Variants in MBD5 observed in about 807,000 individuals in gnomAD.
MBD5 encodes the protein methyl-CpG binding domain protein 5, also known as methyl-CpG-binding domain protein 5.
In MBD5, 13 loss-of-function variants were observed where a neutral mutation model predicts 117.3. The ratio of observed to expected loss-of-function variants is 0.11; its 90% confidence interval spans 0.07 to 0.18. The LOEUF (loss-of-function observed/expected upper bound fraction) is 0.18, where lower values mean the gene tolerates loss of function less well. Among genes scored for constraint, MBD5 ranks in the 10% least tolerant of loss-of-function variants. The pLI is 1.00. For synonymous variants in MBD5, 727 were observed against 766.4 expected, an observed-to-expected ratio of 0.95 and a Z score of 0.85; for missense variants, 1,879 against 2,093.8, an observed-to-expected ratio of 0.90 and a Z score of 2.00.
At chr2:148,112,191 A>T (rs1696517591) in intron 1 of MBD5, among the ~76,000 whole-genome samples, 1 of 152,162 alleles carries the variant, frequency 6.6e-6, no homozygotes, top group Non-Finnish European at 1.5e-5. Flanking sequence ...TTAGGTTTGA[A>T]ATTTTTCAAA....
chr2:148,293,790 C>A (rs1370967364), intron 3 of MBD5, among the ~76,000 whole-genome samples: 3 of 152,046 alleles, frequency 2.0e-5, no homozygotes, highest in Non-Finnish European at 4.4e-5. Flanking sequence ...TGAGGAAGTG[C>A]CCTTCTACTT....
chr2:148,235,214 C>CT (rs1387101868), intron 3 of MBD5, among the ~76,000 whole-genome samples: 14 of 151,848 alleles, frequency 9.2e-5, no homozygotes, highest in African/African-American at 3.4e-4. Context: ...TTTGTATTGT[C>CT]TTTTTTCTGA....
chr2:148,147,924 A>G (rs1266582142), intron 1 of MBD5, among the ~76,000 whole-genome samples: 1 of 152,110 alleles, frequency 6.6e-6, no homozygotes, highest in African/African-American at 2.4e-5. Context: ...GTCTTTTGTG[A>G]TCATGCACAA....
At chr2:148,049,251 C>G (rs535574685) in intron 1 of MBD5, among the ~76,000 whole-genome samples, 10 of 152,248 alleles carry the variant, frequency 6.6e-5, no homozygotes, top group African/African-American at 2.4e-4. Flanking sequence ...AGCTAGAAAT[C>G]TTGTGGCAAG....
chr2:148,048,127 G>C (rs914070278), intron 1 of MBD5, among the ~76,000 whole-genome samples: 1 of 152,096 alleles, frequency 6.6e-6, no homozygotes, highest in Non-Finnish European at 1.5e-5. Flanking sequence ...GAAACATTCT[G>C]TCTCTGTAAA....
In MBD5 at chr2:148,251,645, T is replaced by C. The variant is rs550348383; in HGVS notation, c.-680+18250T>C. ...TTGGTCATAATTCTTGAAGAGTTGT[T>C]ATTTTTCAGAGTCATTCCTTCATAT... On this transcript the variant is annotated intron_variant, in intron 3 of 13. Coordinates refer to ENST00000642680, the MANE Select transcript of MBD5 (RefSeq NM_001378120.1). 5.9e-5 allele frequency among the ~76,000 whole-genome samples: 9 copies of C among 152,342 alleles called. No homozygotes were observed. The East Asian group carries it at 1.7e-3, about 29-fold the overall frequency.
intron 3 of MBD5, among the ~76,000 whole-genome samples, chr2:148,278,465 G>A (rs1039308816): frequency 2.0e-5 from 3 of 152,118 alleles, no homozygotes; most frequent in African/African-American, 7.2e-5. Flanking sequence ...GTATGTGTAT[G>A]TGAAAGTCTC....
intron 4 of MBD5, among the ~76,000 whole-genome samples, chr2:148,378,310 G>A (rs1704045856): frequency 6.6e-6 from 1 of 152,096 alleles, no homozygotes; most frequent in Admixed American, 6.5e-5. Context: ...GTTGGCCTGA[G>A]TCATATTGCT....
intron 3 of MBD5, among the ~76,000 whole-genome samples, chr2:148,305,925 A>T (rs566922059): frequency 1.5e-3 from 228 of 152,278 alleles, no homozygotes; most frequent in African/African-American, 5.1e-3. Flanking sequence ...GTGAAACAAA[A>T]TTTTTTACAA....
chr2:148,367,373 C>G (rs552646060), intron 4 of MBD5, among the ~76,000 whole-genome samples: 1 of 152,106 alleles, frequency 6.6e-6, no homozygotes, highest in South Asian at 2.1e-4. Context: ...CCATAAAAAC[C>G]CTAGAAGAAA....
chr2:148,281,984 A>G (rs557383767), intron 3 of MBD5, among the ~76,000 whole-genome samples: 14 of 152,280 alleles, frequency 9.2e-5, no homozygotes, highest in Admixed American at 6.5e-4. Flanking sequence ...TAACTATTCT[A>G]TAATGTCAGC....
chr2:148,118,878 G>A (rs1470279720), intron 1 of MBD5, among the ~76,000 whole-genome samples: 1 of 151,984 alleles, frequency 6.6e-6, no homozygotes, highest in Non-Finnish European at 1.5e-5. Flanking sequence ...ACTTTTTATT[G>A]ACAAATAATA....
chr2:148,245,521 C>T (rs896906721), intron 3 of MBD5, among the ~76,000 whole-genome samples: 2 of 152,112 alleles, frequency 1.3e-5, no homozygotes, highest in Non-Finnish European at 2.9e-5. Context: ...GGGTTGAGCC[C>T]TGGATGCTGA....
At chr2:148,120,748 T>C (rs1436428447) in intron 1 of MBD5, among the ~76,000 whole-genome samples, 1 of 152,222 alleles carries the variant, frequency 6.6e-6, no homozygotes, top group East Asian at 1.9e-4. Context: ...TAATTATTCC[T>C]TTTAAACCTG....
Position 148,469,328 on chromosome 2 carries a change from C to T in MBD5, c.1385C>T (p.Ser462Leu), listed in dbSNP as rs1680708925. ...RIEASPQRSR[S>L]SSTSSDHGNF... ...GAGGCATCGCCCCAAAGATCACGCT[C>T]ATCTTCCACATCATCAGATCATGGA... is the stretch of plus-strand genomic sequence containing the variant. The change falls in exon 8 of 14, where the codon TCA becomes TTA. Residue 462 changes from serine (S) to leucine (L), a missense_variant. By Grantham distance (145) the Ser-to-Leu change is moderately radical (BLOSUM62 -2). Coordinates refer to ENST00000642680, the MANE Select transcript of MBD5 (RefSeq NM_001378120.1). The T allele has an allele frequency of 1.2e-6, 2 of 1,613,648 alleles. No homozygotes were observed. Among genetic ancestry groups the T allele is most frequent in the Non-Finnish European group, 1.7e-6 (2 of 1,179,940 alleles).
chr2:148,160,422 T>G (rs1022423007), intron 1 of MBD5, among the ~76,000 whole-genome samples: 1 of 152,030 alleles, frequency 6.6e-6, no homozygotes, highest in African/African-American at 2.4e-5. Flanking sequence ...TCACAGATTA[T>G]TTTGGTGTGG....
chr2:148,380,364 A>G (rs1704101760), intron 4 of MBD5, among the ~76,000 whole-genome samples: 1 of 152,200 alleles, frequency 6.6e-6, no homozygotes, highest in Non-Finnish European at 1.5e-5. Flanking sequence ...ATTTACAAAA[A>G]GTGCCATAAT....
At chr2:148,340,120 C>T (rs951704148) in intron 3 of MBD5, among the ~76,000 whole-genome samples, 11 of 152,132 alleles carry the variant, frequency 7.2e-5, no homozygotes, top group African/African-American at 1.9e-4. Flanking sequence ...AAATCCTTCA[C>T]AAACTAACAA....
At chr2:148,151,057 A>G (rs1347285401) in intron 1 of MBD5, among the ~76,000 whole-genome samples, 4 of 147,900 alleles carry the variant, frequency 2.7e-5, no homozygotes, top group Admixed American at 6.8e-5. Flanking sequence ...TTGCCCATTC[A>G]GTATGATATT....
Sources: allele counts gnomAD v4.1 joint callset (sites outside exome capture counted in the v4.1 genomes callset), GRCh38; gene constraint gnomAD v4.1.1; transcripts MANE v1.5; gene names NCBI Gene and HGNC (gene_info 2026-07-23, HGNC 2026-07-21).